Variants in CIMIP2A observed in about 807,000 individuals in gnomAD.
The protein encoded by CIMIP2A is family with sequence similarity 166 member A.
chr9:137,250,652 G>C, the CIMIP2A span: 1 of 154,920 alleles, frequency 6.5e-6, no homozygotes, highest in Non-Finnish European at 1.4e-5. Context: ...TTCCTTTGCA[G>C]CTCTGGCAGC....
the CIMIP2A span, chr9:137,244,346 A>T: frequency 5.6e-6 from 9 of 1,608,586 alleles, no homozygotes; most frequent in Non-Finnish European, 7.6e-6. Context: ...CAGATAGTCA[A>T]GTTGTCCCAG....
chr9:137,246,434 T>C, the CIMIP2A span, among the ~76,000 whole-genome samples: 3 of 152,178 alleles, frequency 2.0e-5, no homozygotes, highest in Admixed American at 2.0e-4. Flanking sequence ...AGGGTCTATG[T>C]GATCTTTCAA....
the CIMIP2A span, chr9:137,245,481 C>T: frequency 1.2e-6 from 2 of 1,613,856 alleles, no homozygotes; most frequent in African/African-American, 1.3e-5. Context: ...TGTTCTCTAC[C>T]CCTGGCGGCT....
the CIMIP2A span, chr9:137,251,773 C>T: frequency 1.4e-5 from 23 of 1,586,958 alleles, no homozygotes; most frequent in African/African-American, 1.3e-5. Context: ...GGCCCGGAGC[C>T]GGGGATGGCC....
chr9:137,247,834 G>C, the CIMIP2A span: 2 of 992,114 alleles, frequency 2.0e-6, no homozygotes, highest in South Asian at 2.8e-5. Context: ...GCACCTCCTG[G>C]GCCAGGCCAC....
chr9:137,247,668 A>G, the CIMIP2A span: 1 of 1,613,260 alleles, frequency 6.2e-7, no homozygotes, highest in Non-Finnish European at 8.5e-7. Context: ...ACCCAGGGAC[A>G]TAGTGAGGCT....
the CIMIP2A span, chr9:137,250,881 T>G: frequency 4.9e-6 from 1 of 202,308 alleles, no homozygotes; most frequent in South Asian, 7.0e-5. Context: ...CCCCAGGGGG[T>G]CCTGGCTGGC....
At chr9:137,244,711 G>A in the CIMIP2A span, 2 of 1,613,564 alleles carry the variant, frequency 1.2e-6, no homozygotes, top group Non-Finnish European at 1.7e-6. Context: ...TTACCCAGGT[G>A]AAACGGGGAA....
the CIMIP2A span, chr9:137,251,339 A>G: frequency 4.3e-6 from 7 of 1,613,614 alleles, no homozygotes; most frequent in East Asian, 8.9e-5. Context: ...TTTTACATCA[A>G]TGGAGGCAAA....
At chr9:137,253,281 G>A in the CIMIP2A span, 28 of 1,585,876 alleles carry the variant, frequency 1.8e-5, no homozygotes, top group South Asian at 5.7e-5. Flanking sequence ...CCCGGCCACC[G>A]AGTGGAACCA....
At chr9:137,252,567 C>A in the CIMIP2A span, 2 of 1,131,840 alleles carry the variant, frequency 1.8e-6, no homozygotes, top group East Asian at 2.9e-5. Flanking sequence ...TCCACGCAGG[C>A]AGGGGGCTGG....
the CIMIP2A span, chr9:137,244,330 G>A: frequency 1.9e-6 from 3 of 1,611,798 alleles, no homozygotes; most frequent in South Asian, 1.1e-5. Flanking sequence ...CTCCCCGGCA[G>A]GCAAACAGAT....
chr9:137,252,925 G>A, the CIMIP2A span: 30 of 1,600,270 alleles, frequency 1.9e-5, no homozygotes, highest in South Asian at 5.6e-5. Flanking sequence ...CGGCCTTCTC[G>A]ATGAGCCGCT....
At chr9:137,253,516 C>T in the CIMIP2A span, 36 of 1,418,316 alleles carry the variant, frequency 2.5e-5, no homozygotes, top group Admixed American at 2.5e-4. Context: ...GTCCTTCACC[C>T]GGGGGCGGTC....
chr9:137,247,861 G>A, the CIMIP2A span: 2 of 739,960 alleles, frequency 2.7e-6, no homozygotes, highest in South Asian at 3.3e-5. Context: ...AACCCTGTGA[G>A]GGCCCACATT....
At chr9:137,245,054 C>T in the CIMIP2A span, 115 of 1,610,134 alleles carry the variant, frequency 7.1e-5, no homozygotes, top group South Asian at 5.5e-4. Context: ...TGGGGAGGGG[C>T]GGCCTTCTCC....
At chr9:137,252,851 A>C in the CIMIP2A span, 1 of 1,578,624 alleles carries the variant, frequency 6.3e-7, no homozygotes, top group Non-Finnish European at 8.6e-7. Context: ...ACCTGGCAAG[A>C]GATGCCCTGG....
At chr9:137,244,413 TTCTGCATCCCCC>T in the CIMIP2A span, 1 of 1,557,640 alleles carries the variant, frequency 6.4e-7, no homozygotes, top group South Asian at 1.2e-5. Context: ...GCTCCCAGCC[TTCTGCATCCCCC>T]TACCCCCGAC....
At chr9:137,249,347 T>C in the CIMIP2A span, among the ~76,000 whole-genome samples, 530 of 152,314 alleles carry the variant, frequency 3.5e-3, 2 homozygotes, top group African/African-American at 0.012. Flanking sequence ...ATCACGTCCA[T>C]ACAAGACACT....
Sources: gnomAD v4.1 joint callset for allele counts (sites outside exome capture counted in the v4.1 genomes callset) on GRCh38, gnomAD v4.1.1 for gene constraint, MANE v1.5 for transcripts, NCBI Gene and HGNC (gene_info 2026-07-23, HGNC 2026-07-21) for gene names.